The following PDE3A variants were observed in gnomAD, a reference collection of about 807,000 sequenced individuals.
PDE3A encodes phosphodiesterase 3A, also known as cGMP-inhibited 3',5'-cyclic phosphodiesterase 3A.
Under a neutral mutation model 98.3 loss-of-function variants are expected in PDE3A, and 43 were observed. That is an observed-to-expected ratio of 0.44 (90% CI 0.34 to 0.56). PDE3A has a LOEUF of 0.56. PDE3A is among the 20% of genes least tolerant of loss of function. The pLI, the probability that PDE3A is intolerant of heterozygous loss-of-function variation, is 0.01. For synonymous variants in PDE3A, 663 were observed against 567.9 expected, an observed-to-expected ratio of 1.17 and a Z score of -2.38; for missense variants, 1,427 against 1,440.7, an observed-to-expected ratio of 0.99 and a Z score of 0.15.
chr12:20,561,876 A>G (rs1323849354), intron 2 of PDE3A, among the ~76,000 whole-genome samples: 1 of 152,192 alleles, frequency 6.6e-6, no homozygotes, highest in Non-Finnish European at 1.5e-5. Flanking sequence ...CGCAGCAAGA[A>G]TGTCATTCAA....
intron 1 of PDE3A, among the ~76,000 whole-genome samples, chr12:20,441,837 C>G (rs1482780889): frequency 6.6e-6 from 1 of 152,174 alleles, no homozygotes; most frequent in Non-Finnish European, 1.5e-5. Flanking sequence ...AATTACAGAT[C>G]TGATCATATA....
intron 1 of PDE3A, among the ~76,000 whole-genome samples, chr12:20,477,613 C>G (rs565321898): frequency 2.0e-5 from 3 of 152,138 alleles, no homozygotes; most frequent in Non-Finnish European, 4.4e-5. Flanking sequence ...CTGCTAAAAT[C>G]TTTTCCCTTG....
Position 20,634,942 on chromosome 12 carries a change from C to A in PDE3A, c.1887C>A (p.Asn629Lys). The A allele has an allele frequency of 6.2e-7, 1 of 1,608,998 alleles. No individual in the cohort carries two copies. ...TTACCTCTGATTATGAAACCAATAA[C>A]AACAGTGACAGCAGTGACATTGTAC... ...AQVTSDYETNNNSDSSDIVQN... is the reference protein window; with the variant it reads ...AQVTSDYETNKNSDSSDIVQN... The change falls in exon 8 of 16, where the codon AAC becomes AAA. Residue 629 changes from asparagine (N) to lysine (K), a missense_variant. Physicochemically the swap from Asn to Lys is moderately conservative, Grantham distance 94 (BLOSUM62 0). Transcript: ENST00000359062.
At position 20,372,184 on chromosome 12, in the gene PDE3A, C is replaced by T. The variant is rs563475055; in HGVS notation, c.960+1940C>T. ...ATAAATGGAGAATTTGAATTATCTA[C>T]GAAGTTATCAAAATAAGCATTGCAT... On this transcript the variant is annotated intron_variant, in intron 1 of 15. Coordinates refer to ENST00000359062, the MANE Select transcript of PDE3A (RefSeq NM_000921.5). Among the ~76,000 whole-genome samples, 122 of 152,172 alleles carry T rather than the reference C, an allele frequency of 8.0e-4. 1 individual carries two copies. The highest frequency in any genetic ancestry group is 1.1e-3 in the Non-Finnish European group (72 of 67,992).
intron 15 of PDE3A, among the ~76,000 whole-genome samples, chr12:20,669,346 G>C (rs541554317): frequency 6.6e-6 from 1 of 152,014 alleles, no homozygotes; most frequent in South Asian, 2.1e-4. Context: ...GAAATACAGA[G>C]AACACCACAA....
intron 1 of PDE3A, among the ~76,000 whole-genome samples, chr12:20,544,350 G>T (rs932889878): frequency 2.6e-5 from 4 of 151,582 alleles, no homozygotes; most frequent in African/African-American, 9.7e-5. Context: ...ATATTTTGAG[G>T]TAACTCTTTA....
intron 2 of PDE3A, among the ~76,000 whole-genome samples, chr12:20,586,231 A>AATG (rs902448060): frequency 1.3e-5 from 2 of 152,180 alleles, no homozygotes; most frequent in African/African-American, 4.8e-5. Flanking sequence ...TTGAGATGGA[A>AATG]ATGATTGGGA....
intron 1 of PDE3A, among the ~76,000 whole-genome samples, chr12:20,440,833 T>C (rs1414597558): frequency 2.0e-5 from 3 of 152,170 alleles, no homozygotes; most frequent in Non-Finnish European, 4.4e-5. Flanking sequence ...CCATCAGAGA[T>C]GGATATATTC....
intron 1 of PDE3A, among the ~76,000 whole-genome samples, chr12:20,494,994 G>T (rs1565567409): frequency 6.6e-6 from 1 of 151,962 alleles, no homozygotes; most frequent in Non-Finnish European, 1.5e-5. Flanking sequence ...TGTGATTCAT[G>T]TAAAGAAACC....
At chr12:20,398,040 T>G (rs1010948918) in intron 1 of PDE3A, among the ~76,000 whole-genome samples, 5 of 138,330 alleles carry the variant, frequency 3.6e-5, no homozygotes, top group Admixed American at 7.6e-5. Context: ...AATGACAGGT[T>G]TTTTTTTTTT....
chr12:20,402,212 C>T (rs1032792983), intron 1 of PDE3A, among the ~76,000 whole-genome samples: 11 of 151,960 alleles, frequency 7.2e-5, no homozygotes, highest in Admixed American at 5.9e-4. Context: ...TGCAGTGGCA[C>T]GACCTTGGCT....
At chr12:20,596,092 G>A (rs138848524) in intron 2 of PDE3A, among the ~76,000 whole-genome samples, 2 of 152,162 alleles carry the variant, frequency 1.3e-5, no homozygotes, top group East Asian at 1.9e-4. Flanking sequence ...AACATGTGCT[G>A]AATTTCTGTA....
chr12:20,510,045 T>C (rs1389332921), intron 1 of PDE3A, among the ~76,000 whole-genome samples: 1 of 152,032 alleles, frequency 6.6e-6, no homozygotes, highest in Non-Finnish European at 1.5e-5. Flanking sequence ...TTAATATAGT[T>C]TTCAAATGGA....
intron 10 of PDE3A, among the ~76,000 whole-genome samples, chr12:20,644,322 G>A (rs1198610371): frequency 6.6e-6 from 1 of 152,102 alleles, no homozygotes; most frequent in African/African-American, 2.4e-5. Context: ...TATTTTACAT[G>A]AATAATGTTT....
Position 20,398,648 on chromosome 12 carries a change from T to C in PDE3A, c.960+28404T>C, listed in dbSNP as rs1185893060. On this transcript the variant is annotated intron_variant, in intron 1 of 15. Coordinates refer to ENST00000359062, the MANE Select transcript of PDE3A (RefSeq NM_000921.5). ...CCATGTGCAGGATGATTCTGAAATA[T>C]ATAAATTAAATGAATGGAAACAGAC... 2.0e-5 allele frequency among the ~76,000 whole-genome samples: 3 copies of C among 152,118 alleles called. No individual in the cohort carries two copies. In the East Asian group the frequency reaches 5.8e-4, roughly 29 times the overall value.
At chr12:20,411,518 CTTT>C (rs11336130) in intron 1 of PDE3A, among the ~76,000 whole-genome samples, 1 of 151,148 alleles carries the variant, frequency 6.6e-6, no homozygotes, top group Non-Finnish European at 1.5e-5. Context: ...GCTACTTACT[CTTT>C]TTTTTTTCCT....
At chr12:20,542,436 TACACAC>T (rs57427303) in intron 1 of PDE3A, among the ~76,000 whole-genome samples, 13,843 of 149,724 alleles carry the variant, frequency 0.092, 714 homozygotes, top group East Asian at 0.23. Context: ...CGTAACAGCA[TACACAC>T]ACACACACAC....
At chr12:20,549,869 A>C (rs1449999502) in intron 1 of PDE3A, among the ~76,000 whole-genome samples, 1 of 141,026 alleles carries the variant, frequency 7.1e-6, no homozygotes, top group Non-Finnish European at 1.5e-5. Context: ...ATGCTTTAAA[A>C]GAAAAAGTCA....
At chr12:20,561,479 T>A (rs571980253) in intron 2 of PDE3A, among the ~76,000 whole-genome samples, 1 of 152,308 alleles carries the variant, frequency 6.6e-6, no homozygotes, top group South Asian at 2.1e-4. Context: ...AGCAGAGAGC[T>A]GTGTCAGATG....
Sources: allele counts gnomAD v4.1 joint callset (sites outside exome capture counted in the v4.1 genomes callset), GRCh38; gene constraint gnomAD v4.1.1; transcripts MANE v1.5; gene names NCBI Gene and HGNC (gene_info 2026-07-23, HGNC 2026-07-21).